Variants in NALCN observed in about 807,000 individuals in gnomAD.
NALCN encodes sodium leak channel NALCN.
In NALCN, 111 loss-of-function variants were observed where a neutral mutation model predicts 225.3. That is an observed-to-expected ratio of 0.49 (90% CI 0.42 to 0.58). The LOEUF is 0.58. Among genes scored for constraint, NALCN ranks in the 20% least tolerant of loss-of-function variants. NALCN has a pLI of 0.00. For missense variants in NALCN, 1,378 were observed against 2,202.4 expected (o/e 0.63, Z 7.49); for synonymous variants, 764 against 769.0 (o/e 0.99, Z 0.11).
In NALCN at chr13:101,197,312, C is replaced by T. The variant is rs2039933030; in HGVS notation, c.1627-5258G>A. On this transcript the variant is annotated intron_variant, in intron 13 of 43. Coordinates refer to ENST00000251127, the MANE Select transcript of NALCN (RefSeq NM_052867.4). ...TCTTCTCCTCCTCCGCGACCCTTTC[C>T]TTTTCCTCCTCCTTCATCTTTCTCT... Among the ~76,000 whole-genome samples the T allele has an allele frequency of 1.3e-5, 2 of 152,012 alleles. 1 individual carries two copies. The highest frequency in any genetic ancestry group is 2.9e-5 in the Non-Finnish European group (2 of 68,026).
At chr13:101,212,481 C>T (rs1006445750) in intron 13 of NALCN, among the ~76,000 whole-genome samples, 6 of 152,086 alleles carry the variant, frequency 3.9e-5, no homozygotes, top group African/African-American at 1.4e-4. Context: ...GGGTTCTTGA[C>T]AATGCTATAG....
At chr13:101,394,333 A>G (rs1039653330) in intron 3 of NALCN, among the ~76,000 whole-genome samples, 1 of 152,238 alleles carries the variant, frequency 6.6e-6, no homozygotes, top group African/African-American at 2.4e-5. Context: ...ATATTGTCTC[A>G]GTAGATTCTC....
At chr13:101,078,852 CT>C (rs2033437466) in intron 34 of NALCN, among the ~76,000 whole-genome samples, 1 of 152,198 alleles carries the variant, frequency 6.6e-6, no homozygotes, top group Non-Finnish European at 1.5e-5. Flanking sequence ...CAAATCTCAT[CT>C]TGAATTGTAG....
At chr13:101,157,805 T>G (rs1594328673) in intron 15 of NALCN, among the ~76,000 whole-genome samples, 1 of 148,810 alleles carries the variant, frequency 6.7e-6, no homozygotes, top group South Asian at 2.1e-4. Context: ...AGAGCTGGAG[T>G]GCAATGGCGT....
At chr13:101,406,400 C>T (rs1275155591) in intron 1 of NALCN, among the ~76,000 whole-genome samples, 1 of 152,140 alleles carries the variant, frequency 6.6e-6, no homozygotes, top group Admixed American at 6.5e-5. Context: ...GATGAGGAAA[C>T]TTAGGCACAG....
At chr13:101,373,337 C>T (rs546963785) in intron 6 of NALCN, among the ~76,000 whole-genome samples, 21 of 152,104 alleles carry the variant, frequency 1.4e-4, no homozygotes, top group Middle Eastern at 3.4e-3. Flanking sequence ...TTTCAAGACC[C>T]GGTAAAGATA....
chr13:101,070,061 A>ATTT (rs1377492353), intron 37 of NALCN, among the ~76,000 whole-genome samples: 1 of 19,254 alleles, frequency 5.2e-5, no homozygotes, highest in African/African-American at 1.9e-4. Context: ...TGAATCATGA[A>ATTT]TGTTTTTTTT....
rs923584518 is a variant in NALCN, at chr13:101,111,060, C to A, written c.2294+65G>T. On this transcript the variant is annotated intron_variant, in intron 19 of 43. Transcript: ENST00000251127. ...GGCTGACAGCCGTGACTGTGTACAGCGACCATTTCCTGTAAAACCCCCCTT... is the reference window on the plus strand; with the variant it reads ...GGCTGACAGCCGTGACTGTGTACAGAGACCATTTCCTGTAAAACCCCCCTT... The A allele has an allele frequency of 4.0e-6, 6 of 1,505,200 alleles. No homozygotes were observed. In the African/African-American group the frequency reaches 4.1e-5, roughly 10 times the overall value. 93.2% of individuals were successfully genotyped at this position (1,505,200 alleles called of 1,614,324 possible).
At chr13:101,323,466 T>C (rs1307774037) in intron 7 of NALCN, among the ~76,000 whole-genome samples, 2 of 152,246 alleles carry the variant, frequency 1.3e-5, no homozygotes, top group Non-Finnish European at 2.9e-5. Context: ...AATATGTTCT[T>C]AGATTCTATT....
At chr13:101,181,377 C>T (rs575580744) in intron 14 of NALCN, 4 of 510,716 alleles carry the variant, frequency 7.8e-6, no homozygotes, top group African/African-American at 5.8e-5. Context: ...TTTCTTTCTG[C>T]TAAATTTTTC....
chr13:101,295,474 C>T (rs2043711102), intron 7 of NALCN, among the ~76,000 whole-genome samples: 1 of 152,150 alleles, frequency 6.6e-6, no homozygotes. Flanking sequence ...ATTATCCTCC[C>T]TCTCCCTGTC....
intron 32 of NALCN, 100 bp from the exon 33 acceptor site, chr13:101,082,983 T>A: frequency 6.4e-7 from 1 of 1,561,584 alleles, no homozygotes; most frequent in Non-Finnish European, 8.8e-7. Flanking sequence ...GAATCTTAAT[T>A]TTTACACCCA....
At chr13:101,099,973 G>A (rs886786706) in intron 27 of NALCN, among the ~76,000 whole-genome samples, 5 of 152,144 alleles carry the variant, frequency 3.3e-5, no homozygotes, top group African/African-American at 1.2e-4. Flanking sequence ...ATTATGTGAA[G>A]CTACCGAAAT....
chr13:101,302,607 ATTAAT>A (rs1386763369), intron 7 of NALCN, among the ~76,000 whole-genome samples: 1 of 152,182 alleles, frequency 6.6e-6, no homozygotes, highest in Non-Finnish European at 1.5e-5. Flanking sequence ...ACTGAATGTC[ATTAAT>A]TTAAATATTT....
chr13:101,298,521 C>T (rs1234776126), intron 7 of NALCN, among the ~76,000 whole-genome samples: 1 of 152,176 alleles, frequency 6.6e-6, no homozygotes, highest in East Asian at 1.9e-4. Flanking sequence ...AGGGTTTCGT[C>T]ATGTTGGCCA....
intron 6 of NALCN, among the ~76,000 whole-genome samples, chr13:101,358,295 C>T (rs1422349948): frequency 6.6e-6 from 1 of 152,042 alleles, no homozygotes; most frequent in African/African-American, 2.4e-5. Context: ...GCAATCTACC[C>T]ATCTGACAAA....
intron 6 of NALCN, among the ~76,000 whole-genome samples, chr13:101,347,047 C>T (rs913941653): frequency 6.6e-6 from 1 of 151,924 alleles, no homozygotes; most frequent in Non-Finnish European, 1.5e-5. Context: ...GCTTCCATCC[C>T]TTTTATAATA....
At chr13:101,203,587 T>G (rs775104138) in intron 13 of NALCN, among the ~76,000 whole-genome samples, 4 of 152,214 alleles carry the variant, frequency 2.6e-5, no homozygotes, top group Non-Finnish European at 4.4e-5. Context: ...TTTTATAAAG[T>G]TCAAAAATTA....
intron 17 of NALCN, among the ~76,000 whole-genome samples, chr13:101,134,087 G>A (rs1413055423): frequency 4.6e-5 from 7 of 152,008 alleles, no homozygotes; most frequent in Non-Finnish European, 1.0e-4. Flanking sequence ...GGAGAATGGC[G>A]TGAACCTGGG....
Sources: allele counts gnomAD v4.1 joint callset (sites outside exome capture counted in the v4.1 genomes callset), GRCh38; gene constraint gnomAD v4.1.1; transcripts MANE v1.5; gene names NCBI Gene and HGNC (gene_info 2026-07-23, HGNC 2026-07-21).